Variants in PRPF6 observed in about 807,000 individuals in gnomAD.
PRPF6 encodes pre-mRNA-processing factor 6.
In PRPF6, 42 loss-of-function variants were observed where a neutral mutation model predicts 118.3. That is an observed-to-expected ratio of 0.35 (90% CI 0.28 to 0.46). The LOEUF (loss-of-function observed/expected upper bound fraction) is 0.46, where lower values mean the gene tolerates loss of function less well. Among genes scored for constraint, PRPF6 ranks in the 20% least tolerant of loss-of-function variants. The probability of loss-of-function intolerance (pLI) is 1.00; values close to 1 mark genes in which losing one functional copy is unlikely to be tolerated. For missense variants in PRPF6, 662 were observed against 1,255.7 expected, an observed-to-expected ratio of 0.53 and a Z score of 7.15; for synonymous variants, 481 against 485.1, an observed-to-expected ratio of 0.99 and a Z score of 0.11.
intron 3 of PRPF6, among the ~76,000 whole-genome samples, chr20:63,990,327 C>T (rs2059112943): frequency 6.6e-6 from 1 of 152,190 alleles, no homozygotes; most frequent in Non-Finnish European, 1.5e-5. Flanking sequence ...CAGATGTAAA[C>T]CATATCCTTT....
rs1270957241 is a variant in PRPF6 at position 64,028,750 on chromosome 20, C to T, written c.2431+181C>T. ...AATGTGTAGTTTGTGTGAATCATTTCAGTCAAAAGTTTCAGCTATACTCGG... is the reference window on the plus strand; with the variant it reads ...AATGTGTAGTTTGTGTGAATCATTTTAGTCAAAAGTTTCAGCTATACTCGG... On this transcript the variant is annotated intron_variant, in intron 18 of 20. Transcript: ENST00000266079. The surrounding 1 kb of genome is among the most constrained non-coding windows in gnomAD (Gnocchi z 6.5). 6.6e-6 allele frequency among the ~76,000 whole-genome samples: 1 copy of T among 152,208 alleles called. No individual in the cohort carries two copies. Among genetic ancestry groups the T allele is most frequent in the Non-Finnish European group, 1.5e-5 (1 of 68,046 alleles).
chr20:63,987,235 G>A (rs1464830646), intron 3 of PRPF6, among the ~76,000 whole-genome samples: 1 of 151,784 alleles, frequency 6.6e-6, no homozygotes, highest in African/African-American at 2.4e-5. Context: ...AGCTGGATGG[G>A]GTGGTTCACG....
chr20:64,019,330 C>T (rs1471501037), intron 12 of PRPF6, among the ~76,000 whole-genome samples: 2 of 152,112 alleles, frequency 1.3e-5, no homozygotes, highest in East Asian at 3.8e-4. Context: ...TGGTCTCGAA[C>T]TCCTGACTTC....
At position 63,999,075 on chromosome 20, in the gene PRPF6, G is replaced by A. The variant is rs2059154165; in HGVS notation, c.802G>A (p.Val268Ile). The change falls in exon 7 of 21, where the codon GTT (valine) becomes ATT (isoleucine). Residue 268 changes from valine (V) to isoleucine (I), a missense_variant. Coordinates refer to ENST00000266079, the MANE Select transcript of PRPF6 (RefSeq NM_012469.4). ...TGACTCCGTGAGTGGACAGACCGTC[G>A]TTGACCCCAAAGGCTACCTGACGGA... ...VSDSVSGQTV[V>I]DPKGYLTDLN... 2.5e-6 allele frequency: 4 copies of A among 1,613,818 alleles called. No individual in the cohort carries two copies. Among genetic ancestry groups the A allele is most frequent in the South Asian group, 2.2e-5 (2 of 91,012 alleles).
At position 64,027,548 on chromosome 20, in the gene PRPF6, T is replaced by C; in HGVS notation, c.2206-55T>C. 6.2e-7 allele frequency: 1 copy of C among 1,613,006 alleles called. No individual in the cohort carries two copies. The highest frequency in any genetic ancestry group is 8.5e-7 in the Non-Finnish European group (1 of 1,179,206). ...GCAGATGAGAAGCTGGGCATGGCTG[T>C]GTCCCAGTTCTTCATAGACACCACC... On this transcript the variant is annotated intron_variant, in intron 16 of 20. Coordinates refer to ENST00000266079, the MANE Select transcript of PRPF6 (RefSeq NM_012469.4). The surrounding 1 kb of genome is among the most constrained non-coding windows in gnomAD (Gnocchi z 6.5).
chr20:63,990,123 G>A (rs1345232709), intron 3 of PRPF6, among the ~76,000 whole-genome samples: 1 of 152,034 alleles, frequency 6.6e-6, no homozygotes, highest in East Asian at 1.9e-4. Context: ...CAAAGTGTTG[G>A]AATTACAGGT....
In PRPF6 at chr20:64,029,699, T is replaced by C. The variant is rs2275292; in HGVS notation, c.2546+208T>C. ...GAGGGTGCCGTGGTCAGAGACTCAC[T>C]GGGGACGCATGTGATTCACACTGGT... On this transcript the variant is annotated intron_variant, in intron 19 of 20. Coordinates refer to ENST00000266079, the MANE Select transcript of PRPF6 (RefSeq NM_012469.4). This position sits in a 1 kb window ranked among gnomAD's most constrained non-coding sequence, Gnocchi z 4.8. Among the ~76,000 whole-genome samples the C allele has an allele frequency of 2.2e-3, 251 of 112,412 alleles. 5 individuals are homozygous for C. In the South Asian group the frequency reaches 0.051, roughly 23 times the overall value. 73.7% of individuals were successfully genotyped at this position (112,412 alleles called of 152,430 possible).
chr20:63,996,374 A>T (rs1020503362), intron 6 of PRPF6, among the ~76,000 whole-genome samples: 1 of 152,022 alleles, frequency 6.6e-6, no homozygotes, highest in Non-Finnish European at 1.5e-5. Context: ...AAGTGGCACA[A>T]TCATGGCTGG....
At chr20:64,019,315 C>G (rs1215033322) in intron 12 of PRPF6, among the ~76,000 whole-genome samples, 1 of 152,082 alleles carries the variant, frequency 6.6e-6, no homozygotes. Flanking sequence ...CCATGTTGGC[C>G]AGGCTGGTCT....
chr20:64,015,092 G>A (rs755248867), intron 11 of PRPF6, among the ~76,000 whole-genome samples: 5 of 152,148 alleles, frequency 3.3e-5, no homozygotes, highest in African/African-American at 4.8e-5. Flanking sequence ...TTATTATTGA[G>A]TTGTAAGAGA....
At position 64,027,120 on chromosome 20, in the gene PRPF6, G is replaced by A. The variant is rs1457524825; in HGVS notation, c.2167G>A (p.Glu723Lys). The part of the protein sequence containing the change: ...MMKGQIEEQK[E>K]MMEKAREAYN... Reference sequence around the variant, plus strand: ...GAAGGGGCAGATCGAGGAGCAGAAGGAGATGATGGAGAAGGCGCGGGAAGC... The same window carrying A: ...GAAGGGGCAGATCGAGGAGCAGAAGAAGATGATGGAGAAGGCGCGGGAAGC... Residue 723 changes from glutamate (E) to lysine (K), a missense_variant, in exon 16 of 21, where the codon GAG (glutamate) becomes AAG (lysine). Around this residue, in one of 10 missense-constraint regions of PRPF6, gnomAD observed 244 missense variants for 383.7 expected, o/e 0.64. Transcript: ENST00000266079. This position sits in a 1 kb window ranked among gnomAD's most constrained non-coding sequence, Gnocchi z 6.5. 3 of 1,614,006 alleles carry A rather than the reference G, an allele frequency of 1.9e-6. No homozygotes were observed. Among genetic ancestry groups the A allele is most frequent in the Non-Finnish European group, 1.7e-6 (2 of 1,180,020 alleles).
chr20:64,005,718 G>A (rs1463784533), intron 9 of PRPF6, among the ~76,000 whole-genome samples: 1 of 152,038 alleles, frequency 6.6e-6, no homozygotes, highest in Non-Finnish European at 1.5e-5. Context: ...TGGGACCATA[G>A]GTACATACTA....
intron 14 of PRPF6, 128 bp downstream of exon 14, chr20:64,024,821 G>A (rs1251338789): frequency 7.2e-7 from 1 of 1,387,390 alleles, no homozygotes; most frequent in Non-Finnish European, 9.8e-7. Context: ...CTGGAGTCCA[G>A]GGGCTGCTCC....
chr20:64,029,470 A>G lies in PRPF6; in HGVS notation c.2525A>G (p.His842Arg). The change falls in exon 19 of 21, where the codon CAT (histidine) becomes CGT (arginine). Residue 842 changes from histidine (H) to arginine (R), a missense_variant. This residue lies in a region of PRPF6 where 244 missense variants were observed against 383.7 expected (regional missense o/e 0.64). Transcript: ENST00000266079. This position sits in a 1 kb window ranked among gnomAD's most constrained non-coding sequence, Gnocchi z 4.8. Reference protein sequence around the residue: ...DALKKCEHDPHVLLAVAKLFW... With the variant: ...DALKKCEHDPRVLLAVAKLFW... ...CTGAAGAAGTGTGAGCATGACCCCC[A>G]TGTGCTCCTGGCCGTGGCCAAGTGA... 1.2e-6 allele frequency: 2 copies of G among 1,614,126 alleles called. No homozygotes were observed. Among genetic ancestry groups the G allele is most frequent in the Non-Finnish European group, 1.7e-6 (2 of 1,180,016 alleles).
At chr20:63,983,317 CA>C in intron 2 of PRPF6, 102 bp downstream of exon 2, 1 of 1,439,008 alleles carries the variant, frequency 6.9e-7, no homozygotes, top group East Asian at 2.3e-5. Flanking sequence ...TGGAGTGGCT[CA>C]TGCATTTAAA....
intron 11 of PRPF6, among the ~76,000 whole-genome samples, chr20:64,015,063 A>G (rs367859075): frequency 6.6e-6 from 1 of 152,084 alleles, no homozygotes; most frequent in Admixed American, 6.6e-5. Flanking sequence ...TGGTCTATGT[A>G]TTATTTTTGT....
chr20:64,026,938 C>G lies in PRPF6; in HGVS notation c.2029-44C>G. The G allele has an allele frequency of 6.2e-7, 1 of 1,610,074 alleles. No homozygotes were observed. On this transcript the variant is annotated intron_variant, in intron 15 of 20. Coordinates refer to ENST00000266079, the MANE Select transcript of PRPF6 (RefSeq NM_012469.4). The surrounding 1 kb of genome is among the most constrained non-coding windows in gnomAD (Gnocchi z 4.4). ...GATGAGTGTACCATGAAGCACGTAC[C>G]CTGGAGCTGATGCCCTGCGTGACAG...
intron 12 of PRPF6, 93 bp downstream of exon 12, chr20:64,016,938 T>C: frequency 6.5e-6 from 9 of 1,390,296 alleles, no homozygotes; most frequent in Admixed American, 5.9e-5. Context: ...ATTTTAAAAC[T>C]CTTTTTTTTT....
In PRPF6 at chr20:63,999,425, G is replaced by A. The variant is rs531170066; in HGVS notation, c.867-178G>A. The stretch of plus-strand genomic sequence containing the variant: ...CCTTCGGTTCTCAGCGTTTGTCTGC[G>A]GGGAGGCTACAGAGGCTTGGAATAG... On this transcript the variant is annotated intron_variant, in intron 7 of 20. Coordinates refer to ENST00000266079, the MANE Select transcript of PRPF6 (RefSeq NM_012469.4). 1.8e-4 allele frequency among the ~76,000 whole-genome samples: 28 copies of A among 152,304 alleles called. No individual in the cohort carries two copies. In the East Asian group the frequency reaches 2.3e-3, roughly 13 times the overall value.
Sources: gnomAD v4.1 joint callset for allele counts (sites outside exome capture counted in the v4.1 genomes callset) on GRCh38, gnomAD v4.1.1 for gene constraint, gnomAD v4.1.1 regional missense constraint, Gnocchi (gnomAD v3.1) non-coding constraint, MANE v1.5 for transcripts, NCBI Gene and HGNC (gene_info 2026-07-23, HGNC 2026-07-21) for gene names.